Variants in NAV1 observed in about 807,000 individuals in gnomAD.
NAV1 encodes the protein pore membrane and/or filament interacting like protein 3.
A neutral mutation model predicts 175.2 loss-of-function variants in NAV1; 18 were observed. The ratio of observed to expected loss-of-function variants is 0.10; its 90% CI spans 0.07 to 0.15. NAV1 has a LOEUF of 0.15. NAV1 is among the 10% of genes least tolerant of loss of function. The pLI is 1.00. For missense variants in NAV1, 1,731 were observed against 2,436.6 expected, an observed-to-expected ratio of 0.71 and a Z score of 6.10; for synonymous variants, 897 against 978.7, an observed-to-expected ratio of 0.92 and a Z score of 1.56.
chr1:201,729,544 G>A (rs1672755883), intron 3 of NAV1, among the ~76,000 whole-genome samples: 1 of 152,060 alleles, frequency 6.6e-6, no homozygotes, highest in African/African-American at 2.4e-5. Context: ...GGGAGGCTGA[G>A]GCACGAGAAT....
chr1:201,602,771 G>C (rs756776038), intron 2 of NAV1, among the ~76,000 whole-genome samples: 1 of 151,654 alleles, frequency 6.6e-6, no homozygotes, highest in East Asian at 1.9e-4. Flanking sequence ...CATGCTCCAG[G>C]GGGACAGGGC....
At chr1:201,667,366 G>A in intron 1 of NAV1, among the ~76,000 whole-genome samples, 1 of 152,190 alleles carries the variant, frequency 6.6e-6, no homozygotes, top group East Asian at 1.9e-4. Context: ...ATGTTCTCTG[G>A]AGCTGATGGT....
chr1:201,819,942 A>G (rs771826160), exon 30 of NAV1: 1 of 1,613,682 alleles, frequency 6.2e-7, no homozygotes, highest in South Asian at 1.1e-5. Flanking sequence ...AGGGTTCGGC[A>G]ATCACTGTCA....
chr1:201,648,234 C>G, upstream of NAV1: 1 of 1,017,148 alleles, frequency 9.8e-7, no homozygotes, highest in South Asian at 4.6e-5. Context: ...GGGCGCTGCC[C>G]GGCAGTGCGG....
intron 1 of NAV1, among the ~76,000 whole-genome samples, chr1:201,577,366 C>T (rs1461264855): frequency 6.6e-6 from 1 of 151,924 alleles, no homozygotes; most frequent in African/African-American, 2.4e-5. Flanking sequence ...GAACTCTTTG[C>T]CAAAGATTTT....
At chr1:201,617,240 CTG>C (rs1668030421) in intron 2 of NAV1, among the ~76,000 whole-genome samples, 1 of 149,058 alleles carries the variant, frequency 6.7e-6, no homozygotes, top group Admixed American at 6.7e-5. Context: ...CTCTCTCTCT[CTG>C]TCTGTCACAC....
rs903898217 is a variant in NAV1 at position 201,627,498 on chromosome 1, C to T, written c.-100-1906C>T. Among the ~76,000 whole-genome samples, 38 of 151,754 alleles carry T rather than the reference C, an allele frequency of 2.5e-4. 1 individual carries two copies. The highest frequency in any genetic ancestry group is 9.2e-4 in the African/African-American group (38 of 41,394). On this transcript the variant is annotated intron_variant, in intron 1 of 29. Coordinates refer to the NAV1 transcript ENST00000367302. ...ATGTTTGCCAGGCTGGTCTCAAACTCCTGACTTCAAGTGATCCATCCGCCC... is the reference window on the plus strand; with the variant it reads ...ATGTTTGCCAGGCTGGTCTCAAACTTCTGACTTCAAGTGATCCATCCGCCC...
At position 201,598,026 on chromosome 1, in the gene NAV1, C is replaced by T. The variant is rs114410493; in HGVS notation, c.-33+9377C>T. ...TCCAATATATACTGAGTGTCTACTACGTGCCAGGCATGATACCAGGCGCCA... is the reference window on the plus strand; with the variant it reads ...TCCAATATATACTGAGTGTCTACTATGTGCCAGGCATGATACCAGGCGCCA... On this transcript the variant is annotated intron_variant, in intron 2 of 33. Coordinates refer to the NAV1 transcript ENST00000685211. Among the ~76,000 whole-genome samples, 601 of 152,312 alleles carry T rather than the reference C, an allele frequency of 3.9e-3. 1 individual carries two copies. Among genetic ancestry groups the T allele is most frequent in the Non-Finnish European group, 5.6e-3 (383 of 68,026 alleles).
intron 1 of NAV1, among the ~76,000 whole-genome samples, chr1:201,661,735 G>A (rs1669622290): frequency 6.6e-6 from 1 of 152,110 alleles, no homozygotes; most frequent in African/African-American, 2.4e-5. Context: ...AGCATTTCAG[G>A]GAACGACTTC....
chr1:201,619,565 G>A (rs1668099288), upstream of NAV1, among the ~76,000 whole-genome samples: 2 of 152,258 alleles, frequency 1.3e-5, no homozygotes, highest in African/African-American at 2.4e-5. Flanking sequence ...TCTCACAGCT[G>A]CAGGTAGTAC....
intron 2 of NAV1, among the ~76,000 whole-genome samples, chr1:201,616,585 T>C (rs1419706802): frequency 1.3e-5 from 2 of 152,142 alleles, no homozygotes; most frequent in African/African-American, 4.8e-5. Context: ...CCTCCCAGGT[T>C]CAAGCGATTC....
chr1:201,712,969 C>T (rs1671974235), intron 2 of NAV1, 50 bp downstream of exon 6: 3 of 1,443,866 alleles, frequency 2.1e-6, no homozygotes, highest in South Asian at 1.1e-5. Flanking sequence ...CCTGGCTCTC[C>T]ACCCCATTCT....
intron 3 of NAV1, among the ~76,000 whole-genome samples, chr1:201,752,583 T>G (rs1391244431): frequency 2.7e-5 from 4 of 150,776 alleles, no homozygotes; most frequent in East Asian, 3.9e-4. Flanking sequence ...GACAAAGTGC[T>G]AAGAAGGTAA....
rs188984635 is a variant in NAV1, at chr1:201,600,785, C to T, written c.-33+12136C>T. ...AAAAGAGCAAAGGACTCTCCTGAGC[C>T]GAAAAGCCCTCAAGATCAAGTTTGT... On this transcript the variant is annotated intron_variant, in intron 2 of 33. Coordinates refer to the NAV1 transcript ENST00000685211. Among the ~76,000 whole-genome samples, 474 of 152,226 alleles carry T rather than the reference C, an allele frequency of 3.1e-3. 3 individuals are homozygous for T. The highest frequency in any genetic ancestry group is 9.1e-3 in the African/African-American group (379 of 41,534).
intron 3 of NAV1, among the ~76,000 whole-genome samples, chr1:201,757,628 G>A (rs1319142194): frequency 6.6e-6 from 1 of 152,176 alleles, no homozygotes; most frequent in African/African-American, 2.4e-5. Flanking sequence ...CTCCAGTGCT[G>A]TCATCAAATG....
intron 3 of NAV1, among the ~76,000 whole-genome samples, chr1:201,751,333 A>G (rs1288437008): frequency 6.6e-6 from 1 of 152,226 alleles, no homozygotes. Flanking sequence ...CATTTTTAGC[A>G]CTGAAGAGAT....
chr1:201,655,448 C>T (rs987841169), intron 1 of NAV1, among the ~76,000 whole-genome samples: 2 of 152,160 alleles, frequency 1.3e-5, no homozygotes, highest in African/African-American at 2.4e-5. Flanking sequence ...CAGGAAGGGC[C>T]GGGTGGGGAG....
At chr1:201,730,757 G>C (rs902290427) in intron 3 of NAV1, among the ~76,000 whole-genome samples, 1 of 152,242 alleles carries the variant, frequency 6.6e-6, no homozygotes, top group Non-Finnish European at 1.5e-5. Flanking sequence ...CCAAGCCTCT[G>C]TGAATACAAG....
chr1:201,772,430 G>A (rs573573140), intron 3 of NAV1, among the ~76,000 whole-genome samples: 72 of 152,320 alleles, frequency 4.7e-4, no homozygotes, highest in Middle Eastern at 3.4e-3. Flanking sequence ...ATTTCTAAAA[G>A]GAAATTAGGC....
Sources: gnomAD v4.1 joint callset for allele counts (sites outside exome capture counted in the v4.1 genomes callset) on GRCh38, gnomAD v4.1.1 for gene constraint, MANE v1.5 for transcripts, NCBI Gene and HGNC (gene_info 2026-07-23, HGNC 2026-07-21) for gene names.